The following COPS2 variants were observed in gnomAD, a reference collection of about 807,000 sequenced individuals.
COPS2 encodes the protein COP9 signalosome subunit 2.
In COPS2, 10 loss-of-function variants were observed where a neutral mutation model predicts 66.1. That is an observed-to-expected ratio of 0.15 (90% CI 0.09 to 0.26). The LOEUF (loss-of-function observed/expected upper bound fraction) is 0.26, where lower values mean the gene tolerates loss of function less well. Ranked by LOEUF, COPS2 falls within the 10% of genes least tolerant of loss-of-function variation. The pLI is 1.00. For synonymous variants in COPS2, 179 were observed against 171.3 expected (o/e 1.04, Z -0.35); for missense variants, 215 against 513.3 (o/e 0.42, Z 5.62).
At chr15:49,144,139 T>C (rs2084306739) in intron 3 of COPS2, 88 bp downstream of exon 3, 2 of 851,484 alleles carry the variant, frequency 2.3e-6, no homozygotes, top group Non-Finnish European at 2.0e-6. Context: ...AGAAGTACTT[T>C]AGAAAAGAAG....
At chr15:49,148,263 T>C (rs927545630) in intron 1 of COPS2, among the ~76,000 whole-genome samples, 2 of 152,120 alleles carry the variant, frequency 1.3e-5, no homozygotes, top group African/African-American at 4.8e-5. Context: ...GTATTCATGG[T>C]CTATTAAGGA....
chr15:49,124,517 T>C lies in COPS2; in HGVS notation c.*3433A>G, dbSNP rs2084149732. 6.6e-6 allele frequency: 1 copy of C among 152,172 alleles called. No individual in the cohort carries two copies. Among genetic ancestry groups the C allele is most frequent in the African/African-American group, 2.4e-5 (1 of 41,456 alleles). 9.4% of individuals were successfully genotyped at this position (152,172 alleles called of 1,614,324 possible). Reference sequence around the variant, plus strand: ...GAAAAAAAGAGGAAAATTTTAATTGTGGTCACATAAATGAAGACCAAATGC... The same window carrying C: ...GAAAAAAAGAGGAAAATTTTAATTGCGGTCACATAAATGAAGACCAAATGC... On this transcript the variant is annotated 3_prime_UTR_variant, in exon 13 of 13. Coordinates refer to ENST00000388901, the MANE Select transcript of COPS2 (RefSeq NM_004236.4).
In COPS2 at chr15:49,126,780, C is replaced by G. The variant is rs1181468861; in HGVS notation, c.*1170G>C. The G allele has an allele frequency of 1.3e-5, 2 of 152,058 alleles. No homozygotes were observed. Among genetic ancestry groups the G allele is most frequent in the Non-Finnish European group, 2.9e-5 (2 of 67,972 alleles). The allele number at this position is 152,058 out of a possible 1,614,324, so 9.4% of individuals were successfully genotyped here. On this transcript the variant is annotated 3_prime_UTR_variant, in exon 13 of 13. Transcript: ENST00000388901. ...CAGTTATATACTTTCTGCATTACCT[C>G]AAAGTTAGGTGGAAGTTTTGGAAAC...
At chr15:49,142,832 A>C (rs1381511647) in intron 3 of COPS2, among the ~76,000 whole-genome samples, 1 of 152,102 alleles carries the variant, frequency 6.6e-6, no homozygotes, top group South Asian at 2.1e-4. Flanking sequence ...ATATTTGAGC[A>C]CCAACCAAAT....
rs569749170 is a variant in COPS2 at position 49,125,864 on chromosome 15, T to C, written c.*2086A>G. On this transcript the variant is annotated 3_prime_UTR_variant, in exon 13 of 13. Coordinates refer to ENST00000388901, the MANE Select transcript of COPS2 (RefSeq NM_004236.4). Reference sequence around the variant, plus strand: ...TGCTTTCTCTCTAGAAAGTGGAAGATGCACTATTGTACAAAGCAAAGATAG... The same window carrying C: ...TGCTTTCTCTCTAGAAAGTGGAAGACGCACTATTGTACAAAGCAAAGATAG... 6.6e-6 allele frequency: 1 copy of C among 152,238 alleles called. No individual in the cohort carries two copies. Among genetic ancestry groups the C allele is most frequent in the South Asian group, 2.1e-4 (1 of 4,830 alleles). 9.4% of individuals were successfully genotyped at this position (152,238 alleles called of 1,614,324 possible). A position where few individuals can be genotyped will look rare whatever the true frequency, so the allele number is the denominator to read the frequency against.
At position 49,144,399 on chromosome 15, in the gene COPS2, T is replaced by C. The variant is rs557856228; in HGVS notation, c.169-95A>G. The C allele has an allele frequency of 5.0e-5, 35 of 693,848 alleles. 1 individual carries two copies. In the South Asian group the frequency reaches 5.8e-4, roughly 12 times the overall value. The allele number at this position is 693,848 out of a possible 1,614,324, so 43.0% of individuals were successfully genotyped here. The stretch of plus-strand genomic sequence containing the variant: ...TAAGTATTGAATTAATTTTATACTA[T>C]ATGCATAAAAAACATTTCCCCAAGG... On this transcript the variant is annotated intron_variant, in intron 2 of 12. Transcript: ENST00000388901.
intron 3 of COPS2, among the ~76,000 whole-genome samples, chr15:49,141,074 T>C (rs1256113374): frequency 1.3e-5 from 2 of 151,968 alleles, no homozygotes; most frequent in East Asian, 1.9e-4. Flanking sequence ...GGGTAAATGA[T>C]AGGTGACATC....
intron 1 of COPS2, among the ~76,000 whole-genome samples, chr15:49,150,756 G>C (rs1043571342): frequency 6.6e-6 from 1 of 152,148 alleles, no homozygotes; most frequent in African/African-American, 2.4e-5. Flanking sequence ...GCCTGCTTGA[G>C]AGAGAAGGGT....
chr15:49,150,372 C>A (rs747948381), intron 1 of COPS2, among the ~76,000 whole-genome samples: 1 of 151,364 alleles, frequency 6.6e-6, no homozygotes, highest in African/African-American at 2.4e-5. Context: ...TGGATTATAC[C>A]GTCTTTGATA....
At chr15:49,134,298 A>G (rs1358167003) in intron 7 of COPS2, 42 bp downstream of exon 7, 2 of 1,580,644 alleles carry the variant, frequency 1.3e-6, no homozygotes, top group Admixed American at 1.8e-5. Flanking sequence ...ACACTTTGAT[A>G]TCTCCCCATG....
intron 11 of COPS2, among the ~76,000 whole-genome samples, 153 bp downstream of exon 11, chr15:49,129,324 T>C (rs1037838498): frequency 6.6e-6 from 1 of 151,638 alleles, no homozygotes; most frequent in African/African-American, 2.4e-5. Context: ...AAAAAAATGA[T>C]TAAAAGTAAA....
At position 49,123,675 on chromosome 15, in the gene COPS2, T is replaced by C. The variant is rs2084141795; in HGVS notation, c.*4275A>G. 6.6e-6 allele frequency: 1 copy of C among 152,176 alleles called. No homozygotes were observed. Among genetic ancestry groups the C allele is most frequent in the Non-Finnish European group, 1.5e-5 (1 of 68,038 alleles). The allele number at this position is 152,176 out of a possible 1,614,324, so 9.4% of individuals were successfully genotyped here. A position where few individuals can be genotyped will look rare whatever the true frequency, so the allele number is the denominator to read the frequency against. The stretch of plus-strand genomic sequence containing the variant: ...CGAATAGTAAGTACTTAAGAAATAA[T>C]TTTTTCTTTTTTCCTGTCACAGGGT... On this transcript the variant is annotated 3_prime_UTR_variant, in exon 13 of 13. Coordinates refer to ENST00000388901, the MANE Select transcript of COPS2 (RefSeq NM_004236.4).
At chr15:49,146,227 A>ACCTGTGAC (rs1380350135) in intron 1 of COPS2, among the ~76,000 whole-genome samples, 21 of 152,138 alleles carry the variant, frequency 1.4e-4, no homozygotes, top group Admixed American at 6.5e-5. Flanking sequence ...TCCTCGTGTG[A>ACCTGTGAC]AGACCTGAGT....
chr15:49,133,863 TA>T (rs775659491), intron 8 of COPS2, 52 bp from the exon 9 acceptor site: 3 of 1,545,692 alleles, frequency 1.9e-6, no homozygotes, highest in South Asian at 2.4e-5. Flanking sequence ...AACAACATTT[TA>T]AAAAAAGAAA....
At chr15:49,149,446 A>G (rs752731744) in intron 1 of COPS2, among the ~76,000 whole-genome samples, 7 of 152,200 alleles carry the variant, frequency 4.6e-5, no homozygotes, top group Non-Finnish European at 8.8e-5. Context: ...ATGCTTCCAT[A>G]TGACATGCAT....
At position 49,122,899 on chromosome 15, in the gene COPS2, A is replaced by G. The variant is rs1328941718; in HGVS notation, c.*5051T>C. ...CAGGCAGACATCCTGTTACATTCCT[A>G]ATCACCTACTACTTCCTTCCCACCT... On this transcript the variant is annotated 3_prime_UTR_variant, in exon 13 of 13. Transcript: ENST00000388901. 2.0e-5 allele frequency: 3 copies of G among 152,172 alleles called. No individual in the cohort carries two copies. The highest frequency in any genetic ancestry group is 2.1e-4 in the South Asian group (1 of 4,834). The allele number at this position is 152,172 out of a possible 1,614,324, so 9.4% of individuals were successfully genotyped here. A position where few individuals can be genotyped will look rare whatever the true frequency, so the allele number is the denominator to read the frequency against.
Position 49,127,866 on chromosome 15 carries a change from C to G in COPS2, c.*84G>C. On this transcript the variant is annotated 3_prime_UTR_variant, in exon 13 of 13. Transcript: ENST00000388901. ...ATAATTTTCAGGACACATCAACCGA[C>G]AGTAGTTTTGCCATTCCCAGTTCTT... 7.3e-7 allele frequency: 1 copy of G among 1,367,696 alleles called. No homozygotes were observed. The highest frequency in any genetic ancestry group is 1.0e-6 in the Non-Finnish European group (1 of 999,582). The allele number at this position is 1,367,696 out of a possible 1,614,324, so 84.7% of individuals were successfully genotyped here. A position where few individuals can be genotyped will look rare whatever the true frequency, so the allele number is the denominator to read the frequency against.
At chr15:49,151,425 A>T (rs546897496) in intron 1 of COPS2, among the ~76,000 whole-genome samples, 2 of 152,082 alleles carry the variant, frequency 1.3e-5, no homozygotes, top group South Asian at 4.2e-4. Flanking sequence ...AATTATATTC[A>T]AATATATAAT....
At position 49,123,664 on chromosome 15, in the gene COPS2, T is replaced by C. The variant is rs2084141694; in HGVS notation, c.*4286A>G. ...AAAGTTGCCCCCGAATAGTAAGTAC[T>C]TAAGAAATAATTTTTTCTTTTTTCC... On this transcript the variant is annotated 3_prime_UTR_variant, in exon 13 of 13. Coordinates refer to ENST00000388901, the MANE Select transcript of COPS2 (RefSeq NM_004236.4). 6.6e-6 allele frequency: 1 copy of C among 152,316 alleles called. No homozygotes were observed. The highest frequency in any genetic ancestry group is 2.1e-4 in the South Asian group (1 of 4,822). The allele number at this position is 152,316 out of a possible 1,614,324, so 9.4% of individuals were successfully genotyped here. A position where few individuals can be genotyped will look rare whatever the true frequency, so the allele number is the denominator to read the frequency against.
Sources: gnomAD v4.1 joint callset for allele counts (sites outside exome capture counted in the v4.1 genomes callset) on GRCh38, gnomAD v4.1.1 for gene constraint, MANE v1.5 for transcripts, NCBI Gene and HGNC (gene_info 2026-07-23, HGNC 2026-07-21) for gene names.